The following BAALC variants were observed in gnomAD, a reference collection of about 807,000 sequenced individuals.
BAALC encodes the protein brain and acute leukemia cytoplasmic protein.
Under a neutral mutation model 15.5 loss-of-function variants are expected in BAALC, and 9 were observed. That is an observed-to-expected ratio of 0.58 (90% CI 0.35 to 1.02). The LOEUF is 1.02. BAALC is among the 50% of genes least tolerant of loss of function. The probability of loss-of-function intolerance (pLI) is 0.02; values close to 1 mark genes in which losing one functional copy is unlikely to be tolerated. For synonymous variants in BAALC, 80 were observed against 74.6 expected (o/e 1.07, Z -0.37); for missense variants, 201 against 192.4 (o/e 1.04, Z -0.27).
At chr8:103,167,176 C>T (rs1811367658) in intron 1 of BAALC, among the ~76,000 whole-genome samples, 1 of 152,144 alleles carries the variant, frequency 6.6e-6, no homozygotes, top group Non-Finnish European at 1.5e-5. Context: ...CTAAGATAGA[C>T]CAAATATAAA....
chr8:103,209,826 T>C (rs1812412939), intron 1 of BAALC, among the ~76,000 whole-genome samples: 1 of 152,232 alleles, frequency 6.6e-6, no homozygotes, highest in African/African-American at 2.4e-5. Context: ...CAAATTGCTA[T>C]AGAAATTTGT....
At position 103,179,641 on chromosome 8, in the gene BAALC, C is replaced by T. The variant is rs191092834; in HGVS notation, c.161-33278C>T. 7.9e-5 allele frequency among the ~76,000 whole-genome samples: 12 copies of T among 152,352 alleles called. No individual in the cohort carries two copies. In the East Asian group the frequency reaches 2.3e-3, roughly 29 times the overall value. ...TCATGTGGGTGTGTCCAATTCAATC[C>T]TGTCTTCTTCCAAATGGATGTGAAG... On this transcript the variant is annotated intron_variant, in intron 1 of 2. Transcript: ENST00000309982.
chr8:103,196,399 G>A (rs1259313252), intron 1 of BAALC, among the ~76,000 whole-genome samples: 6 of 152,106 alleles, frequency 3.9e-5, no homozygotes, highest in African/African-American at 1.4e-4. Flanking sequence ...TCCCACCTCA[G>A]CCTCCCAAAT....
chr8:103,169,685 A>G (rs999953446), intron 1 of BAALC, among the ~76,000 whole-genome samples: 14 of 152,226 alleles, frequency 9.2e-5, no homozygotes, highest in African/African-American at 3.1e-4. Flanking sequence ...CTGACTGAGT[A>G]GGGGAAGAAG....
At chr8:103,218,000 A>T (rs1038578649) in intron 2 of BAALC, among the ~76,000 whole-genome samples, 1 of 152,224 alleles carries the variant, frequency 6.6e-6, no homozygotes, top group Admixed American at 6.5e-5. Flanking sequence ...GAATGGTGCT[A>T]TGAAGGAAGT....
chr8:103,199,775 C>G (rs562054756), intron 1 of BAALC, among the ~76,000 whole-genome samples: 121 of 122,974 alleles, frequency 9.8e-4, no homozygotes, highest in African/African-American at 3.6e-3. Context: ...AGTCTAGTAC[C>G]CATTAGTTAT....
chr8:103,192,918 TATC>T (rs1443812383), intron 1 of BAALC, among the ~76,000 whole-genome samples: 1 of 152,184 alleles, frequency 6.6e-6, no homozygotes, highest in Non-Finnish European at 1.5e-5. Flanking sequence ...GCATCCCAGA[TATC>T]ACCACCAGGG....
intron 1 of BAALC, among the ~76,000 whole-genome samples, chr8:103,199,734 T>G (rs1374918927): frequency 6.6e-6 from 1 of 152,180 alleles, no homozygotes; most frequent in African/African-American, 2.4e-5. Flanking sequence ...TGGGGGTTTG[T>G]TGTACAGATT....
At chr8:103,213,823 C>T (rs982218513) in intron 2 of BAALC, among the ~76,000 whole-genome samples, 2 of 152,144 alleles carry the variant, frequency 1.3e-5, no homozygotes, top group African/African-American at 4.8e-5. Context: ...AGGCTCCATA[C>T]CCATTTTCTC....
intron 1 of BAALC, among the ~76,000 whole-genome samples, chr8:103,160,202 T>G (rs1442781452): frequency 6.6e-6 from 1 of 152,150 alleles, no homozygotes; most frequent in African/African-American, 2.4e-5. Flanking sequence ...AGGGATTTAT[T>G]GAGAATGAAA....
At chr8:103,188,108 TTCAAGTCACCTGATG>T in intron 1 of BAALC, among the ~76,000 whole-genome samples, 1 of 151,950 alleles carries the variant, frequency 6.6e-6, no homozygotes, top group Middle Eastern at 3.4e-3. Context: ...TAAGGCTGGG[TTCAAGTCACCTGATG>T]TCATGGACCC....
chr8:103,158,127 T>C (rs1811139401), intron 1 of BAALC, among the ~76,000 whole-genome samples: 1 of 152,214 alleles, frequency 6.6e-6, no homozygotes, highest in Non-Finnish European at 1.5e-5. Context: ...AGTTTATAGG[T>C]TTCCCATTTC....
At chr8:103,151,177 C>A (rs1008570867) in intron 1 of BAALC, among the ~76,000 whole-genome samples, 7 of 152,042 alleles carry the variant, frequency 4.6e-5, no homozygotes, top group African/African-American at 1.7e-4. Context: ...GCCACCACGC[C>A]CGGCTAATTT....
Position 103,169,043 on chromosome 8 carries a change from T to C in BAALC, c.160+27986T>C, listed in dbSNP as rs369430707. 2.6e-5 allele frequency among the ~76,000 whole-genome samples: 4 copies of C among 152,092 alleles called. No homozygotes were observed. The East Asian group carries it at 5.8e-4, about 22-fold the overall frequency. On this transcript the variant is annotated intron_variant, in intron 1 of 2. Transcript: ENST00000309982. The stretch of plus-strand genomic sequence containing the variant: ...CGTTCCTCCTGCCCCCATCTCCCTG[T>C]GTCTTTTAAAAAAATCTCATAGCCT...
At chr8:103,221,179 T>C (rs572504611) in intron 2 of BAALC, among the ~76,000 whole-genome samples, 1 of 152,310 alleles carries the variant, frequency 6.6e-6, no homozygotes, top group East Asian at 1.9e-4. Context: ...ACGGTCAATC[T>C]GGTTACCCTT....
At chr8:103,147,286 A>C (rs574039063) in intron 1 of BAALC, among the ~76,000 whole-genome samples, 1 of 152,364 alleles carries the variant, frequency 6.6e-6, no homozygotes, top group Non-Finnish European at 1.5e-5. Flanking sequence ...TCCTAAGTGC[A>C]TTCCAGAATT....
chr8:103,226,247 G>A lies in BAALC; in HGVS notation c.328-1742G>A, dbSNP rs1451753395. 5.3e-5 allele frequency among the ~76,000 whole-genome samples: 8 copies of A among 152,238 alleles called. No individual in the cohort carries two copies. The East Asian group carries it at 1.5e-3, about 29-fold the overall frequency. ...GTTAAGGGAGAAGTCCAGCCACAAT[G>A]CAAGCTGACAACAGCTTCAGCGACC... On this transcript the variant is annotated intron_variant, in intron 2 of 2. Transcript: ENST00000309982.
At chr8:103,207,380 C>T (rs1388728990) in intron 1 of BAALC, among the ~76,000 whole-genome samples, 1 of 152,060 alleles carries the variant, frequency 6.6e-6, no homozygotes, top group Non-Finnish European at 1.5e-5. Flanking sequence ...CAACAAAAAC[C>T]AGTAAATTTT....
At chr8:103,185,744 T>G (rs1041887543) in intron 1 of BAALC, among the ~76,000 whole-genome samples, 2 of 152,206 alleles carry the variant, frequency 1.3e-5, no homozygotes, top group Middle Eastern at 3.2e-3. Context: ...TGGTACCATT[T>G]TTCATTTGAG....
Sources: allele counts gnomAD v4.1 joint callset (sites outside exome capture counted in the v4.1 genomes callset), GRCh38; gene constraint gnomAD v4.1.1; transcripts MANE v1.5; gene names NCBI Gene and HGNC (gene_info 2026-07-23, HGNC 2026-07-21).